Variants in NSUN2 observed in about 807,000 individuals in gnomAD.
The protein encoded by NSUN2 is NOP2/Sun RNA methyltransferase 2, also known as RNA cytosine C(5)-methyltransferase NSUN2.
A neutral mutation model predicts 92.7 loss-of-function variants in NSUN2; 63 were observed. The ratio of observed to expected loss-of-function variants is 0.68; its 90% confidence interval spans 0.56 to 0.84. NSUN2 has a LOEUF of 0.84. Among genes scored for constraint, NSUN2 ranks in the 40% least tolerant of loss-of-function variants. NSUN2 has a pLI of 0.00. For missense variants in NSUN2, 989 were observed against 964.9 expected (o/e 1.02, Z -0.33); for synonymous variants, 356 against 348.3 (o/e 1.02, Z -0.25).
chr5:6,607,826 C>T (rs1290291501), intron 12 of NSUN2, among the ~76,000 whole-genome samples: 1 of 151,968 alleles, frequency 6.6e-6, no homozygotes, highest in Non-Finnish European at 1.5e-5. Context: ...GGCACCTGGA[C>T]AAACTGCCAC....
chr5:6,603,874 A>G, intron 17 of NSUN2: 2 of 376,848 alleles, frequency 5.3e-6, no homozygotes, highest in South Asian at 6.5e-5. Context: ...CCAGCCCTGC[A>G]CGCCACACAG....
chr5:6,616,157 A>G (rs1579368197), intron 9 of NSUN2, among the ~76,000 whole-genome samples: 1 of 152,250 alleles, frequency 6.6e-6, no homozygotes. Context: ...TTCTGAGTGT[A>G]TATCCAAAGA....
intron 18 of NSUN2, among the ~76,000 whole-genome samples, chr5:6,601,993 A>G (rs945800189): frequency 6.6e-6 from 1 of 152,182 alleles, no homozygotes; most frequent in African/African-American, 2.4e-5. Flanking sequence ...AATACATGCA[A>G]GCAGCGTGGA....
At chr5:6,614,984 T>C (rs909996428) in intron 9 of NSUN2, among the ~76,000 whole-genome samples, 15 of 152,002 alleles carry the variant, frequency 9.9e-5, no homozygotes, top group African/African-American at 3.6e-4. Flanking sequence ...ATTAAACACC[T>C]AGAGTACTTA....
At chr5:6,620,947 T>C (rs1560981661) in intron 6 of NSUN2, 1 of 152,228 alleles carries the variant, frequency 6.6e-6, no homozygotes, top group African/African-American at 2.4e-5. Flanking sequence ...TTACTGCCAA[T>C]GTGGAGAAAA....
chr5:6,630,409 G>C (rs554473455), intron 3 of NSUN2, among the ~76,000 whole-genome samples: 1 of 152,168 alleles, frequency 6.6e-6, no homozygotes, highest in Non-Finnish European at 1.5e-5. Context: ...GGGTTCAAGC[G>C]ATTCTCATGC....
intron 18 of NSUN2, 147 bp downstream of exon 18, chr5:6,602,314 G>T (rs565689364): frequency 7.9e-6 from 6 of 764,246 alleles, no homozygotes; most frequent in Middle Eastern, 3.6e-4. Context: ...TTTTGGTTCT[G>T]AAGTTTTCAC....
Position 6,632,682 on chromosome 5 carries a change from G to A in NSUN2, c.171C>T (p.Ile57=). Residue 57 remains isoleucine, a synonymous_variant, in exon 2 of 19, where the codon ATC becomes ATT. Transcript: ENST00000264670. The part of the protein sequence containing the change: ...LFEHYYQELK[I]VPEGEWGQFM... ...ACTGGCCCCACTCGCCCTCGGGCAC[G>A]ATCTTGAGCTCCTGGTAGTAGTGCT... 6.2e-7 allele frequency: 1 copy of A among 1,614,136 alleles called. No individual in the cohort carries two copies. Among genetic ancestry groups the A allele is most frequent in the Non-Finnish European group, 8.5e-7 (1 of 1,180,014 alleles).
In NSUN2 at chr5:6,632,740, T is replaced by C. The variant is rs938317873; in HGVS notation, c.113A>G (p.Tyr38Cys). 5 of 1,613,420 alleles carry C rather than the reference T, an allele frequency of 3.1e-6. No individual in the cohort carries two copies. The African/African-American group carries it at 6.7e-5, about 22-fold the overall frequency. The change falls in exon 2 of 19, where the codon TAC becomes TGC. Residue 38 changes from tyrosine to cysteine, a missense_variant. Physicochemically the swap from Tyr to Cys is radical, Grantham distance 194. Transcript: ENST00000264670. ...CTTGTTCTCCTTGACGATCTCGGGG[T>C]AGCCTCCTTCCCAGCCCTGAGGAAG... ...KRGEAGWEGG[Y>C]PEIVKENKLF...
chr5:6,629,297 T>A (rs1187828968), intron 3 of NSUN2, among the ~76,000 whole-genome samples: 1 of 152,194 alleles, frequency 6.6e-6, no homozygotes, highest in East Asian at 1.9e-4. Flanking sequence ...AAAGCAGCTA[T>A]GAAATGTTAA....
Position 6,604,163 on chromosome 5 carries a change from C to G in NSUN2, c.1932G>C (p.Glu644Asp). 1 of 1,614,024 alleles carries G rather than the reference C, an allele frequency of 6.2e-7. No individual in the cohort carries two copies. Among genetic ancestry groups the G allele is most frequent in the Non-Finnish European group, 8.5e-7 (1 of 1,179,978 alleles). ...CCAGGTCCTTTGCTTGACTGTAGGT[C>G]TCACTGCTGAGTTTTCTAAAAAAGG... is the stretch of plus-strand genomic sequence containing the variant. ...ENPFFRKLSS[E>D]TYSQAKDLAK... is the part of the protein sequence containing the mutation. The change falls in exon 17 of 19, where the codon GAG becomes GAC. Residue 644 changes from glutamate (E) to aspartate (D), a missense_variant. Around this residue, in one of 3 missense-constraint regions of NSUN2, gnomAD observed 626 missense variants for 602.3 expected, o/e 1.04. Coordinates refer to ENST00000264670, the MANE Select transcript of NSUN2 (RefSeq NM_017755.6).
chr5:6,604,556 G>A (rs1736682658), intron 16 of NSUN2, 49 bp downstream of exon 16: 2 of 1,530,464 alleles, frequency 1.3e-6, no homozygotes, highest in African/African-American at 1.4e-5. Flanking sequence ...ACTCCCGACT[G>A]CTTCAGTCAT....
rs1738006882 is a variant in NSUN2, at chr5:6,633,034, T to C, written c.-55A>G. Reference sequence around the variant, plus strand: ...GAAACCGGCCCGCCACGGCCAGAACTCTAGCCCTACACCTCCCGGGACTTC... The same window carrying C: ...GAAACCGGCCCGCCACGGCCAGAACCCTAGCCCTACACCTCCCGGGACTTC... On this transcript the variant is annotated 5_prime_UTR_variant, in exon 1 of 19. Coordinates refer to ENST00000264670, the MANE Select transcript of NSUN2 (RefSeq NM_017755.6). 2 of 1,391,878 alleles carry C rather than the reference T, an allele frequency of 1.4e-6. No homozygotes were observed. The highest frequency in any genetic ancestry group is 1.6e-5 in the South Asian group (1 of 62,816). 86.2% of individuals were successfully genotyped at this position (1,391,878 alleles called of 1,614,324 possible).
At chr5:6,621,001 C>T (rs1261364314) in intron 6 of NSUN2, 1 of 152,166 alleles carries the variant, frequency 6.6e-6, no homozygotes, top group Non-Finnish European at 1.5e-5. Flanking sequence ...TTAGCCAAGG[C>T]ATTATCTTTA....
intron 12 of NSUN2, among the ~76,000 whole-genome samples, chr5:6,609,430 C>T (rs1176322337): frequency 6.6e-6 from 1 of 152,152 alleles, no homozygotes; most frequent in Non-Finnish European, 1.5e-5. Context: ...AAGGTGAACC[C>T]GGGCTGGCTT....
At chr5:6,623,151 A>C (rs916151100) in intron 5 of NSUN2, 63 bp downstream of exon 5, 3 of 1,443,736 alleles carry the variant, frequency 2.1e-6, no homozygotes, top group Non-Finnish European at 2.8e-6. Flanking sequence ...TTTCATCAAA[A>C]CAAACAGGCA....
intron 12 of NSUN2, among the ~76,000 whole-genome samples, chr5:6,608,187 A>G (rs938146509): frequency 1.3e-5 from 2 of 152,232 alleles, no homozygotes; most frequent in African/African-American, 2.4e-5. Context: ...AGCAAAAACC[A>G]AAACAGATGA....
rs1055478673 is a variant in NSUN2, at chr5:6,607,286, C to T, written c.1422G>A (p.Pro474=). The T allele has an allele frequency of 2.0e-4, 329 of 1,614,066 alleles. No homozygotes were observed. Among genetic ancestry groups the T allele is most frequent in the Middle Eastern group, 4.9e-4 (3 of 6,084 alleles). Residue 474 remains proline (P), a synonymous_variant, in exon 13 of 19, where the codon CCG becomes CCA. Transcript: ENST00000264670. ...CTGTGTCACCAGTTCCTGTGAATGACGGACTTTCCAGCTTAGAGGGATCTG... is the reference window on the plus strand; with the variant it reads ...CTGTGTCACCAGTTCCTGTGAATGATGGACTTTCCAGCTTAGAGGGATCTG... ...KPTDPSKLES[P]SFTGTGDTEI... is the part of the protein sequence containing the mutation.
At chr5:6,602,346 T>C in intron 18 of NSUN2, 115 bp downstream of exon 18, 2 of 1,009,806 alleles carry the variant, frequency 2.0e-6, no homozygotes, top group Non-Finnish European at 3.1e-6. Context: ...TGAGGAACAA[T>C]CACAAAAGGC....
Sources: gnomAD v4.1 joint callset for allele counts (sites outside exome capture counted in the v4.1 genomes callset) on GRCh38, gnomAD v4.1.1 for gene constraint, gnomAD v4.1.1 regional missense constraint, MANE v1.5 for transcripts, NCBI Gene and HGNC (gene_info 2026-07-23, HGNC 2026-07-21) for gene names.